Variants in TLK2 observed in about 807,000 individuals in gnomAD.
TLK2 encodes the protein serine/threonine-protein kinase tousled-like 2.
TLK2 carries 6 observed loss-of-function variants against 117.3 expected under a neutral mutation model. That is an observed-to-expected ratio of 0.05 (90% CI 0.03 to 0.10). The LOEUF is 0.10. Ranked by LOEUF, TLK2 falls within the 10% of genes least tolerant of loss-of-function variation. TLK2 has a pLI of 1.00. For missense variants in TLK2, 299 were observed against 901.2 expected (o/e 0.33, Z 8.56); for synonymous variants, 257 against 316.7 (o/e 0.81, Z 2.00).
At chr17:62,512,855 TTTATTAA>T (rs1365847609) in intron 2 of TLK2, among the ~76,000 whole-genome samples, 21 of 120,850 alleles carry the variant, frequency 1.7e-4, no homozygotes, top group African/African-American at 5.9e-4. Context: ...CTTTTAAAAA[TTTATTAA>T]TTATTATTAT....
rs942181323 is a variant in TLK2, at chr17:62,570,901, T to C, written c.969-2314T>C. 7.2e-5 allele frequency among the ~76,000 whole-genome samples: 11 copies of C among 152,326 alleles called. No homozygotes were observed. The South Asian group carries it at 8.3e-4, about 11-fold the overall frequency. ...CAATTTTGCAAAACACTGTTAATCT[T>C]CAAAGACAAAATGTTGTGGCACTCC... is the stretch of plus-strand genomic sequence containing the variant. On this transcript the variant is annotated intron_variant, in intron 11 of 21. Transcript: ENST00000346027.
upstream of TLK2, among the ~76,000 whole-genome samples, chr17:62,478,567 C>A (rs1257340929): frequency 1.3e-5 from 2 of 150,400 alleles, no homozygotes; most frequent in African/African-American, 2.4e-5. Flanking sequence ...CGCCCGTCGC[C>A]CGCCCTCAGC....
chr17:62,549,978 TA>T (rs2078317761), intron 7 of TLK2: 1 of 151,838 alleles, frequency 6.6e-6, no homozygotes, highest in African/African-American at 2.4e-5. Context: ...CCTCAAATCA[TA>T]AACTTTTTTT....
At chr17:62,538,005 A>T (rs1388705970) in intron 7 of TLK2, among the ~76,000 whole-genome samples, 2 of 143,110 alleles carry the variant, frequency 1.4e-5, no homozygotes, top group African/African-American at 2.6e-5. Flanking sequence ...GTTAATGTTT[A>T]TCATACACTT....
At chr17:62,509,922 G>A (rs1019355364) in intron 2 of TLK2, among the ~76,000 whole-genome samples, 3 of 152,192 alleles carry the variant, frequency 2.0e-5, no homozygotes, top group African/African-American at 7.2e-5. Context: ...TAACCTGCTG[G>A]TGCCTTGGTA....
chr17:62,478,501 G>A (rs1331455903), upstream of TLK2, among the ~76,000 whole-genome samples: 1 of 149,774 alleles, frequency 6.7e-6, no homozygotes, highest in Non-Finnish European at 1.5e-5. Flanking sequence ...TCGGGCAGTC[G>A]CAGGGCGCCC....
chr17:62,591,503 A>G (rs2082081187), intron 16 of TLK2, among the ~76,000 whole-genome samples: 1 of 152,186 alleles, frequency 6.6e-6, no homozygotes, highest in Non-Finnish European at 1.5e-5. Flanking sequence ...GTGGAGCCAC[A>G]GAGCCACAGC....
chr17:62,527,631 T>C (rs936738422), intron 6 of TLK2, among the ~76,000 whole-genome samples: 6 of 152,198 alleles, frequency 3.9e-5, no homozygotes, highest in African/African-American at 9.6e-5. Flanking sequence ...CATTTCATTG[T>C]GTATTTTATA....
intron 7 of TLK2, among the ~76,000 whole-genome samples, chr17:62,551,088 G>A (rs769939077): frequency 2.6e-5 from 4 of 152,198 alleles, no homozygotes; most frequent in Non-Finnish European, 5.9e-5. Flanking sequence ...AAAGTGCTAG[G>A]ATTACAGGTG....
At chr17:62,516,313 C>G in intron 2 of TLK2, 1 of 1,066,184 alleles carries the variant, frequency 9.4e-7, no homozygotes, top group East Asian at 2.5e-5. Context: ...AAAGAATCCT[C>G]TCCAGTTTTA....
intron 11 of TLK2, among the ~76,000 whole-genome samples, chr17:62,570,017 TTCTCTG>T (rs1208942700): frequency 6.6e-6 from 1 of 152,210 alleles, no homozygotes; most frequent in Non-Finnish European, 1.5e-5. Context: ...CATAACTCCA[TTCTCTG>T]TCTCCTCTTC....
In TLK2 at chr17:62,471,888, C is replaced by CTTTTTTTTTTTTTTTTTT; in HGVS notation, c.-205+822_-205+839dup. Among the ~76,000 whole-genome samples, 12 of 37,778 alleles carry CTTTTTTTTTTTTTTTTTT rather than the reference C, an allele frequency of 3.2e-4. 5 individuals are homozygous for CTTTTTTTTTTTTTTTTTT. The highest frequency in any genetic ancestry group is 5.2e-4 in the Non-Finnish European group (12 of 22,926). 24.8% of individuals were successfully genotyped at this position (37,778 alleles called of 152,430 possible). A position where few individuals can be genotyped will look rare whatever the true frequency, so the allele number is the denominator to read the frequency against. ...GGCATGGAAGATTAGGTAGTATAGT[C>CTTTTTTTTTTTTTTTTTT]TTTTTTTTTTTTTTTTTTTTTTTTT... On this transcript the variant is annotated intron_variant, in intron 1 of 4. Coordinates refer to the TLK2 transcript ENST00000579450.
chr17:62,591,839 C>G lies in TLK2; in HGVS notation c.1461-4746C>G, dbSNP rs1413141143. ...TGTTTTTTAGTTTTATTTTACCGTACTACGGAAAGTGTGTCTTTTCCAACT... is the reference window on the plus strand; with the variant it reads ...TGTTTTTTAGTTTTATTTTACCGTAGTACGGAAAGTGTGTCTTTTCCAACT... On this transcript the variant is annotated intron_variant, in intron 16 of 21. Coordinates refer to ENST00000346027, the MANE Select transcript of TLK2 (RefSeq NM_006852.6). 2.0e-5 allele frequency among the ~76,000 whole-genome samples: 3 copies of G among 152,074 alleles called. No individual in the cohort carries two copies. In the East Asian group the frequency reaches 5.8e-4, roughly 29 times the overall value.
chr17:62,588,030 C>T (rs963839512), intron 16 of TLK2, among the ~76,000 whole-genome samples: 1 of 131,450 alleles, frequency 7.6e-6, no homozygotes, highest in African/African-American at 2.9e-5. Context: ...ATAAAATATA[C>T]GTATACATCT....
intron 10 of TLK2, among the ~76,000 whole-genome samples, chr17:62,562,460 A>G (rs960486353): frequency 6.6e-6 from 1 of 152,222 alleles, no homozygotes; most frequent in African/African-American, 2.4e-5. Flanking sequence ...TAACTTAATC[A>G]TAAAAAGACA....
chr17:62,566,483 A>C (rs563399358), intron 11 of TLK2, among the ~76,000 whole-genome samples: 17 of 152,126 alleles, frequency 1.1e-4, no homozygotes, highest in African/African-American at 3.9e-4. Context: ...ATTATTCCTC[A>C]TGTGTGTATA....
chr17:62,568,194 G>A (rs2079957461), intron 11 of TLK2, among the ~76,000 whole-genome samples: 1 of 152,072 alleles, frequency 6.6e-6, no homozygotes, highest in South Asian at 2.1e-4. Flanking sequence ...CACTTTGGGA[G>A]GCTGAGATGG....
chr17:62,590,119 A>C (rs1342974782), intron 16 of TLK2, among the ~76,000 whole-genome samples: 1 of 149,604 alleles, frequency 6.7e-6, no homozygotes. Context: ...TAACCTTGAA[A>C]AAAAAAACAA....
At chr17:62,581,416 A>G (rs999386529) in intron 15 of TLK2, among the ~76,000 whole-genome samples, 12 of 149,858 alleles carry the variant, frequency 8.0e-5, no homozygotes, top group African/African-American at 2.5e-4. Flanking sequence ...GCACTACTCT[A>G]CTGGTTTTGA....
Sources: allele counts gnomAD v4.1 joint callset (sites outside exome capture counted in the v4.1 genomes callset), GRCh38; gene constraint gnomAD v4.1.1; transcripts MANE v1.5; gene names NCBI Gene and HGNC (gene_info 2026-07-23, HGNC 2026-07-21).